The following EDN3 variants were observed in gnomAD, a reference collection of about 807,000 sequenced individuals.
EDN3 encodes the protein endothelin 3, also known as endothelin-3.
In EDN3, 9 loss-of-function variants were observed where a neutral mutation model predicts 21.4. The observed-to-expected ratio is 0.42, with a 90% CI of 0.25 to 0.73. The LOEUF (loss-of-function observed/expected upper bound fraction) is 0.73. EDN3 is among the 30% of genes least tolerant of loss of function. The pLI is 0.26. For synonymous variants in EDN3, 133 were observed against 126.2 expected (o/e 1.05, Z -0.36); for missense variants, 327 against 309.4 (o/e 1.06, Z -0.43).
intron 2 of EDN3, among the ~76,000 whole-genome samples, chr20:59,316,947 T>C (rs1175393865): frequency 6.6e-6 from 1 of 152,250 alleles, no homozygotes; most frequent in Non-Finnish European, 1.5e-5. Flanking sequence ...TGCATGGAGC[T>C]TTGTTTTATA....
In EDN3 at chr20:59,324,353, G is replaced by T. The variant is rs1303216214; in HGVS notation, c.611G>T (p.Ser204Ile). ...CAGGTTGAAGTCAAGGACCAACAAA[G>T]CAAGCAGGCTTTAGACCTCCACCAT... ...EGKVEVKDQQ[S>I]KQALDLHHPK... is the part of the protein sequence containing the mutation. The change falls in exon 5 of 5, where the codon AGC becomes ATC. Residue 204 changes from serine (S) to isoleucine (I), a missense_variant. Transcript: ENST00000337938. The T allele has an allele frequency of 6.2e-7, 1 of 1,614,038 alleles. No individual in the cohort carries two copies.
rs750823872 is a variant in EDN3 at position 59,324,493 on chromosome 20, GC to G, written c.*35del. The G allele has an allele frequency of 6.2e-7, 1 of 1,613,612 alleles. No individual in the cohort carries two copies. The highest frequency in any genetic ancestry group is 8.5e-7 in the Non-Finnish European group (1 of 1,179,928). On this transcript the variant is annotated 3_prime_UTR_variant, in exon 5 of 5. Coordinates refer to ENST00000337938, the MANE Select transcript of EDN3 (RefSeq NM_207034.3). ...GCCTGCAGCATCCTGGTCTCGGGAG[GC>G]TTCTGTCATTGCTCACACACAGTTC...
At chr20:59,316,724 T>C (rs769284535) in intron 2 of EDN3, among the ~76,000 whole-genome samples, 4 of 152,258 alleles carry the variant, frequency 2.6e-5, no homozygotes, top group African/African-American at 7.2e-5. Flanking sequence ...TTATACATGA[T>C]GTTTGGGAAA....
rs1306297912 is a variant in EDN3 at position 59,325,457 on chromosome 20, T to C, written c.*998T>C. The C allele has an allele frequency of 6.6e-6, 1 of 152,202 alleles. No individual in the cohort carries two copies. The highest frequency in any genetic ancestry group is 2.4e-5 in the African/African-American group (1 of 41,420). The allele number at this position is 152,202 out of a possible 1,614,324, so 9.4% of individuals were successfully genotyped here. On this transcript the variant is annotated 3_prime_UTR_variant, in exon 5 of 5. Transcript: ENST00000337938. ...TGAGTGTGGAGATGTTATCCCACCATGTAAAGTCGCCTGCGCAGGGGAGGG... is the reference window on the plus strand; with the variant it reads ...TGAGTGTGGAGATGTTATCCCACCACGTAAAGTCGCCTGCGCAGGGGAGGG...
At chr20:59,315,875 G>A (rs529614974) in intron 2 of EDN3, among the ~76,000 whole-genome samples, 24 of 152,220 alleles carry the variant, frequency 1.6e-4, no homozygotes, top group African/African-American at 4.6e-4. Flanking sequence ...GCTGGAAATC[G>A]GGATGTTTAT....
chr20:59,311,675 G>A (rs561992742), intron 2 of EDN3, among the ~76,000 whole-genome samples: 75 of 148,956 alleles, frequency 5.0e-4, no homozygotes, highest in African/African-American at 1.5e-3. Flanking sequence ...TTTTTTCCAC[G>A]TCCTGTTTTA....
chr20:59,301,282 C>G, intron 1 of EDN3, 128 bp from the exon 2 acceptor site: 4 of 1,161,626 alleles, frequency 3.4e-6, no homozygotes, highest in Non-Finnish European at 4.9e-6. Flanking sequence ...TTTTCAGAAA[C>G]TGCGCAGAGC....
At chr20:59,304,692 T>C (rs1278378297) in intron 2 of EDN3, among the ~76,000 whole-genome samples, 1 of 152,190 alleles carries the variant, frequency 6.6e-6, no homozygotes, top group Non-Finnish European at 1.5e-5. Flanking sequence ...CGAGACCCGC[T>C]TTGCATCTCC....
At chr20:59,320,699 C>G (rs1006602699) in intron 2 of EDN3, among the ~76,000 whole-genome samples, 2 of 152,230 alleles carry the variant, frequency 1.3e-5, no homozygotes, top group African/African-American at 4.8e-5. Context: ...TTGGGTGAGG[C>G]TAAGGGGCTC....
chr20:59,323,817 T>C (rs1005999554), intron 4 of EDN3: 4 of 439,566 alleles, frequency 9.1e-6, no homozygotes, highest in East Asian at 3.2e-5. Context: ...GTCCTTTTGC[T>C]GTTGTGGTGA....
chr20:59,301,347 G>C (rs1324171096), intron 1 of EDN3, 63 bp from the exon 2 acceptor site: 2 of 1,574,954 alleles, frequency 1.3e-6, no homozygotes, highest in Admixed American at 1.7e-5. Context: ...AGGTGTTTGG[G>C]GGTGGCGGGT....
intron 2 of EDN3, among the ~76,000 whole-genome samples, chr20:59,318,874 A>G (rs1045582970): frequency 2.6e-5 from 4 of 152,158 alleles, no homozygotes; most frequent in Non-Finnish European, 5.9e-5. Context: ...ATTGATGGAG[A>G]AATGGGAGCG....
At position 59,315,896 on chromosome 20, in the gene EDN3, C is replaced by T. The variant is rs369117815; in HGVS notation, c.366-5121C>T. ...AATCGGGATGTTTATGTGAAATTTC[C>T]GGATTTAACAAAAAACACTATGGTT... is the stretch of plus-strand genomic sequence containing the variant. On this transcript the variant is annotated intron_variant, in intron 2 of 4. Coordinates refer to ENST00000337938, the MANE Select transcript of EDN3 (RefSeq NM_207034.3). Among the ~76,000 whole-genome samples, 9 of 152,148 alleles carry T rather than the reference C, an allele frequency of 5.9e-5. No homozygotes were observed. The South Asian group carries it at 8.3e-4, about 14-fold the overall frequency.
intron 2 of EDN3, among the ~76,000 whole-genome samples, chr20:59,317,035 C>T (rs915165783): frequency 1.3e-5 from 2 of 152,200 alleles, no homozygotes; most frequent in Admixed American, 6.5e-5. Flanking sequence ...TATTATAGAG[C>T]GGTAGGCCCC....
intron 2 of EDN3, among the ~76,000 whole-genome samples, chr20:59,314,565 C>G (rs981275654): frequency 6.6e-6 from 1 of 151,996 alleles, no homozygotes; most frequent in Non-Finnish European, 1.5e-5. Flanking sequence ...AATTGTAGCT[C>G]CAGAGTGTTT....
At chr20:59,303,881 A>G (rs1018454397) in intron 2 of EDN3, among the ~76,000 whole-genome samples, 6 of 150,980 alleles carry the variant, frequency 4.0e-5, no homozygotes, top group African/African-American at 1.5e-4. Context: ...TGATGAAAGA[A>G]GGATTAAATC....
intron 1 of EDN3, 120 bp from the exon 2 acceptor site, chr20:59,301,290 A>G: frequency 8.1e-7 from 1 of 1,239,220 alleles, no homozygotes; most frequent in Non-Finnish European, 1.1e-6. Context: ...AACTGCGCAG[A>G]GCTTTGGAAA....
chr20:59,315,264 G>A (rs1990101207), intron 2 of EDN3, among the ~76,000 whole-genome samples: 1 of 152,224 alleles, frequency 6.6e-6, no homozygotes, highest in South Asian at 2.1e-4. Context: ...TCCAATGACT[G>A]CTGGTGCCTG....
intron 2 of EDN3, among the ~76,000 whole-genome samples, chr20:59,314,472 G>C (rs1460165922): frequency 2.0e-5 from 3 of 152,064 alleles, no homozygotes; most frequent in Admixed American, 6.5e-5. Flanking sequence ...AGAAGCCCTA[G>C]GCTCTGAAAG....
Sources: gnomAD v4.1 joint callset for allele counts (sites outside exome capture counted in the v4.1 genomes callset) on GRCh38, gnomAD v4.1.1 for gene constraint, MANE v1.5 for transcripts, NCBI Gene and HGNC (gene_info 2026-07-23, HGNC 2026-07-21) for gene names.